TMEM117: variants seen among roughly 807,000 people sequenced by gnomAD.
The protein encoded by TMEM117 is transmembrane protein 117.
Under a neutral mutation model 52.4 loss-of-function variants are expected in TMEM117, and 27 were observed. That is an observed-to-expected ratio of 0.51 (90% CI 0.38 to 0.71). The LOEUF is 0.71. TMEM117 is among the 30% of genes least tolerant of loss of function. TMEM117 has a pLI of 0.00. For synonymous variants in TMEM117, 215 were observed against 206.3 expected (o/e 1.04, Z -0.36); for missense variants, 556 against 630.5 (o/e 0.88, Z 1.26).
chr12:44,201,435 G>A (rs1009118589), intron 4 of TMEM117, among the ~76,000 whole-genome samples: 1 of 152,062 alleles, frequency 6.6e-6, no homozygotes, highest in Non-Finnish European at 1.5e-5. Flanking sequence ...TAGAAGTCAT[G>A]GATTAGGATA....
At chr12:44,134,668 GC>G (rs1948463654) in intron 3 of TMEM117, among the ~76,000 whole-genome samples, 1 of 152,140 alleles carries the variant, frequency 6.6e-6, no homozygotes, top group South Asian at 2.1e-4. Context: ...TACACTGATG[GC>G]TTTTTTTGTA....
intron 6 of TMEM117, among the ~76,000 whole-genome samples, chr12:44,361,909 G>A (rs1383519103): frequency 2.0e-5 from 3 of 152,096 alleles, no homozygotes; most frequent in African/African-American, 7.2e-5. Context: ...TCCCTTTCTA[G>A]ACTGTGCTCT....
intron 3 of TMEM117, among the ~76,000 whole-genome samples, chr12:43,999,355 AT>A (rs1413392735): frequency 1.4e-4 from 22 of 152,334 alleles, no homozygotes; most frequent in African/African-American, 5.1e-4. Context: ...GCTAAGTGCT[AT>A]GTTTCTTCTG....
At chr12:43,866,913 A>C (rs968848366) in intron 2 of TMEM117, among the ~76,000 whole-genome samples, 1 of 152,198 alleles carries the variant, frequency 6.6e-6, no homozygotes, top group Non-Finnish European at 1.5e-5. Flanking sequence ...CAACATGGAG[A>C]AACACCGTCT....
chr12:44,388,763 G>C lies in TMEM117; in HGVS notation c.*91G>C. ...TTCCTTTTGTATATGTAAGGTTTACGTAGTGTTAGGTAAAAATATGAACAA... is the reference window on the plus strand; with the variant it reads ...TTCCTTTTGTATATGTAAGGTTTACCTAGTGTTAGGTAAAAATATGAACAA... On this transcript the variant is annotated 3_prime_UTR_variant, in exon 8 of 8. Coordinates refer to ENST00000266534, the MANE Select transcript of TMEM117 (RefSeq NM_032256.3). 7.3e-7 allele frequency: 1 copy of C among 1,371,062 alleles called. No individual in the cohort carries two copies. The highest frequency in any genetic ancestry group is 1.4e-5 in the South Asian group (1 of 71,244). 84.9% of individuals were successfully genotyped at this position (1,371,062 alleles called of 1,614,324 possible).
the TMEM117 span, among the ~76,000 whole-genome samples, chr12:43,798,231 A>G: frequency 1.3e-5 from 2 of 152,162 alleles, no homozygotes; most frequent in Admixed American, 1.3e-4. Flanking sequence ...AAAATGCAAC[A>G]CAAACATCAT....
chr12:44,228,364 A>C (rs1416998267), intron 5 of TMEM117, among the ~76,000 whole-genome samples: 3 of 152,124 alleles, frequency 2.0e-5, no homozygotes, highest in Non-Finnish European at 1.5e-5. Context: ...GAGGGGCCTA[A>C]TTATAAATTT....
intron 2 of TMEM117, among the ~76,000 whole-genome samples, chr12:43,896,993 A>G (rs916408886): frequency 1.3e-5 from 2 of 152,194 alleles, no homozygotes; most frequent in East Asian, 1.9e-4. Context: ...CTTCGAGAGA[A>G]TGACTAGACC....
intron 5 of TMEM117, among the ~76,000 whole-genome samples, chr12:44,243,611 A>G (rs971358413): frequency 1.3e-5 from 2 of 151,484 alleles, no homozygotes; most frequent in African/African-American, 2.4e-5. Flanking sequence ...ATTATTTCAC[A>G]CACTTATTTC....
chr12:43,972,241 T>A (rs1367295609), intron 3 of TMEM117, among the ~76,000 whole-genome samples: 2 of 152,182 alleles, frequency 1.3e-5, no homozygotes, highest in African/African-American at 4.8e-5. Flanking sequence ...CCAATCAACT[T>A]ATTTTGTAAT....
Position 43,991,467 on chromosome 12 carries a change from ATCTATCT to A in TMEM117, c.410+47126_410+47132del, listed in dbSNP as rs1357034488. Among the ~76,000 whole-genome samples the A allele has an allele frequency of 2.9e-5, 4 of 135,916 alleles. No homozygotes were observed. The East Asian group carries it at 9.2e-4, about 31-fold the overall frequency. The allele number at this position is 135,916 out of a possible 152,430, so 89.2% of individuals were successfully genotyped here. A position where few individuals can be genotyped will look rare whatever the true frequency, so the allele number is the denominator to read the frequency against. On this transcript the variant is annotated intron_variant, in intron 3 of 7. Coordinates refer to ENST00000266534, the MANE Select transcript of TMEM117 (RefSeq NM_032256.3). ...TATCTATCTATCTATCTATCTATCT[ATCTATCT>A]AATCTATCTCTGTCTATCTATCTGT...
At chr12:44,101,181 G>C (rs1947854527) in intron 3 of TMEM117, among the ~76,000 whole-genome samples, 1 of 151,744 alleles carries the variant, frequency 6.6e-6, no homozygotes, top group Non-Finnish European at 1.5e-5. Flanking sequence ...CCAAATTAGA[G>C]ATTAGGTTTC....
chr12:44,348,429 A>AC (rs35027537), intron 6 of TMEM117, among the ~76,000 whole-genome samples: 1 of 151,532 alleles, frequency 6.6e-6, no homozygotes, highest in African/African-American at 2.4e-5. Flanking sequence ...AGGTACCAAT[A>AC]CCCCCTTTTC....
At chr12:44,322,312 A>T (rs540909760) in intron 6 of TMEM117, among the ~76,000 whole-genome samples, 1 of 152,040 alleles carries the variant, frequency 6.6e-6, no homozygotes, top group Admixed American at 6.6e-5. Context: ...GTATTTTCTG[A>T]CCTAACGAGG....
At chr12:43,830,391 G>A in the TMEM117 span, among the ~76,000 whole-genome samples, 1 of 151,656 alleles carries the variant, frequency 6.6e-6, no homozygotes, top group Non-Finnish European at 1.5e-5. Context: ...GGTGGATCAC[G>A]AGGTCAGGAG....
intron 4 of TMEM117, among the ~76,000 whole-genome samples, chr12:44,164,019 C>T (rs536034841): frequency 1.3e-5 from 2 of 152,076 alleles, no homozygotes; most frequent in South Asian, 2.1e-4. Flanking sequence ...CAAGTGGATC[C>T]TGGGGGCCTG....
chr12:43,862,152 T>C (rs1943500705), intron 2 of TMEM117, among the ~76,000 whole-genome samples: 1 of 152,130 alleles, frequency 6.6e-6, no homozygotes, highest in South Asian at 2.1e-4. Context: ...AATGGACATA[T>C]AGTATGAGAA....
chr12:44,205,914 A>T (rs1163307987), intron 4 of TMEM117, among the ~76,000 whole-genome samples: 1 of 152,192 alleles, frequency 6.6e-6, no homozygotes, highest in African/African-American at 2.4e-5. Context: ...TACTGGGCAT[A>T]TGCCGAGACC....
At chr12:44,206,244 A>C (rs1053400869) in intron 4 of TMEM117, among the ~76,000 whole-genome samples, 1 of 152,214 alleles carries the variant, frequency 6.6e-6, no homozygotes, top group African/African-American at 2.4e-5. Context: ...TGTCCTTAAG[A>C]CACAGCTCGC....
Sources: gnomAD v4.1 joint callset for allele counts (sites outside exome capture counted in the v4.1 genomes callset) on GRCh38, gnomAD v4.1.1 for gene constraint, MANE v1.5 for transcripts, NCBI Gene and HGNC (gene_info 2026-07-23, HGNC 2026-07-21) for gene names.